MKLN1: variants seen among roughly 807,000 people sequenced by gnomAD.
MKLN1 encodes muskelin.
Under a neutral mutation model 99.0 loss-of-function variants are expected in MKLN1, and 18 were observed. The observed-to-expected ratio is 0.18, with a 90% CI of 0.13 to 0.27. MKLN1 has a LOEUF of 0.27. MKLN1 is among the 10% of genes least tolerant of loss of function. MKLN1 has a pLI of 1.00. For synonymous variants in MKLN1, 288 were observed against 293.2 expected (o/e 0.98, Z 0.18); for missense variants, 621 against 875.9 (o/e 0.71, Z 3.67).
At chr7:131,218,704 A>C (rs774402663) in intron 3 of MKLN1, among the ~76,000 whole-genome samples, 168 of 152,334 alleles carry the variant, frequency 1.1e-3, no homozygotes, top group Non-Finnish European at 2.1e-3. Flanking sequence ...AACATGGATG[A>C]ACCTTGGGAA....
chr7:131,487,540 G>C lies in MKLN1; in HGVS notation c.2087-67G>C, dbSNP rs1260305509. 3 of 1,532,294 alleles carry C rather than the reference G, an allele frequency of 2.0e-6. No homozygotes were observed. The African/African-American group carries it at 4.2e-5, about 21-fold the overall frequency. The allele number at this position is 1,532,294 out of a possible 1,614,324, so 94.9% of individuals were successfully genotyped here. A position where few individuals can be genotyped will look rare whatever the true frequency, so the allele number is the denominator to read the frequency against. On this transcript the variant is annotated intron_variant, in intron 17 of 17. Coordinates refer to ENST00000352689, the MANE Select transcript of MKLN1 (RefSeq NM_013255.5). This position sits in a 1 kb window ranked among gnomAD's most constrained non-coding sequence, Gnocchi z 4.7. ...TCCATTATAAAATACATTGCTGCTGGTCTCAACTAGTTTTTCTGTTACATG... is the reference window on the plus strand; with the variant it reads ...TCCATTATAAAATACATTGCTGCTGCTCTCAACTAGTTTTTCTGTTACATG...
chr7:131,358,062 G>A (rs186782161), intron 1 of MKLN1, among the ~76,000 whole-genome samples: 18 of 151,890 alleles, frequency 1.2e-4, no homozygotes, highest in African/African-American at 3.9e-4. Context: ...TTTTTCCCCC[G>A]CTTATCTTAT....
chr7:131,469,248 GGACA>G (rs372084192), intron 15 of MKLN1, among the ~76,000 whole-genome samples: 2 of 152,028 alleles, frequency 1.3e-5, no homozygotes, highest in Admixed American at 6.6e-5. Context: ...ACGGACGGAC[GGACA>G]GACAGAATCT....
upstream of MKLN1, among the ~76,000 whole-genome samples, chr7:131,326,249 G>T (rs1053481542): frequency 6.6e-6 from 1 of 152,108 alleles, no homozygotes; most frequent in Non-Finnish European, 1.5e-5. Flanking sequence ...GGCAGCTCCC[G>T]ACCCAAGTCA....
rs1012586315 is a variant in MKLN1, at chr7:131,451,030, G to A, written c.1525+5127G>A. ...TCAGAAAACCTCACATCAGAACCAT[G>A]GTATATTATATTGTCCTCCCATAGA... On this transcript the variant is annotated intron_variant, in intron 12 of 17. Transcript: ENST00000352689. Among the ~76,000 whole-genome samples, 10 of 152,042 alleles carry A rather than the reference G, an allele frequency of 6.6e-5. No individual in the cohort carries two copies. The East Asian group carries it at 1.9e-3, about 29-fold the overall frequency.
chr7:131,485,591 A>G (rs1269564967), intron 17 of MKLN1, among the ~76,000 whole-genome samples: 1 of 152,120 alleles, frequency 6.6e-6, no homozygotes, highest in East Asian at 1.9e-4. Flanking sequence ...TAAGTAGATG[A>G]TCAAAGTTAA....
At chr7:131,474,883 G>T (rs1237489368) in intron 16 of MKLN1, among the ~76,000 whole-genome samples, 1 of 152,160 alleles carries the variant, frequency 6.6e-6, no homozygotes, top group African/African-American at 2.4e-5. Flanking sequence ...GGAGTCCTCA[G>T]TAAACTTACA....
intron 2 of MKLN1, among the ~76,000 whole-genome samples, chr7:131,382,747 A>G (rs1302206165): frequency 1.5e-5 from 2 of 137,768 alleles, no homozygotes; most frequent in East Asian, 4.6e-4. Flanking sequence ...TTTTAGAGAC[A>G]GGGTCTTACT....
chr7:131,280,553 T>C (rs182543558), intron 3 of MKLN1, among the ~76,000 whole-genome samples: 112 of 152,366 alleles, frequency 7.4e-4, no homozygotes, highest in Non-Finnish European at 2.5e-4. Context: ...TGACGAATAA[T>C]GTTAAGTATC....
chr7:131,289,027 G>T (rs1271962398), intron 3 of MKLN1, among the ~76,000 whole-genome samples: 1 of 152,090 alleles, frequency 6.6e-6, no homozygotes, highest in Non-Finnish European at 1.5e-5. Context: ...GTCTCACTGT[G>T]TTGCCCAGGC....
At chr7:131,297,430 C>T (rs577450386) in intron 3 of MKLN1, among the ~76,000 whole-genome samples, 3 of 115,364 alleles carry the variant, frequency 2.6e-5, no homozygotes, top group East Asian at 2.7e-4. Context: ...TGTGTGTGTA[C>T]ATACACACAC....
intron 2 of MKLN1, among the ~76,000 whole-genome samples, chr7:131,162,724 G>A (rs573382296): frequency 5.9e-5 from 9 of 152,254 alleles, no homozygotes; most frequent in Admixed American, 2.6e-4. Flanking sequence ...TCGAATAAGA[G>A]ATGCTCAACC....
chr7:131,487,542 C>G lies in MKLN1; in HGVS notation c.2087-65C>G, dbSNP rs1797315739. 2 of 1,542,830 alleles carry G rather than the reference C, an allele frequency of 1.3e-6. No individual in the cohort carries two copies. Among genetic ancestry groups the G allele is most frequent in the Non-Finnish European group, 1.8e-6 (2 of 1,141,460 alleles). The stretch of plus-strand genomic sequence containing the variant: ...CATTATAAAATACATTGCTGCTGGT[C>G]TCAACTAGTTTTTCTGTTACATGTT... On this transcript the variant is annotated intron_variant, in intron 17 of 17. Transcript: ENST00000352689. This position sits in a 1 kb window ranked among gnomAD's most constrained non-coding sequence, Gnocchi z 4.7.
At chr7:131,161,965 A>G (rs1181971377) in intron 2 of MKLN1, among the ~76,000 whole-genome samples, 426 of 7,100 alleles carry the variant, frequency 0.06, 3 homozygotes, top group Non-Finnish European at 0.077. Flanking sequence ...GTGTGTGTGT[A>G]TATATATATA....
intron 3 of MKLN1, among the ~76,000 whole-genome samples, chr7:131,264,439 A>G (rs1334579058): frequency 6.6e-6 from 1 of 152,232 alleles, no homozygotes; most frequent in African/African-American, 2.4e-5. Context: ...CTTGTCTTTT[A>G]GCTACTATAC....
intron 17 of MKLN1, among the ~76,000 whole-genome samples, chr7:131,483,097 A>T (rs1172833524): frequency 6.6e-6 from 1 of 152,206 alleles, no homozygotes; most frequent in East Asian, 1.9e-4. Flanking sequence ...TTTCCATTTT[A>T]CTTTATTTAT....
intron 1 of MKLN1, among the ~76,000 whole-genome samples, chr7:131,337,469 A>G (rs887705338): frequency 6.6e-6 from 1 of 152,036 alleles, no homozygotes; most frequent in African/African-American, 2.4e-5. Flanking sequence ...TTCTGAATTT[A>G]ACTATGTCCA....
intron 3 of MKLN1, among the ~76,000 whole-genome samples, chr7:131,242,400 G>A (rs1361643377): frequency 6.6e-6 from 1 of 152,064 alleles, no homozygotes; most frequent in Non-Finnish European, 1.5e-5. Flanking sequence ...GCTGGTTATG[G>A]TGGGGCATGC....
At position 131,488,706 on chromosome 7, in the gene MKLN1, A is replaced by G. The variant is rs928793755; in HGVS notation, c.*978A>G. Reference sequence around the variant, plus strand: ...GCTGAGTTTCCAGAGCTTTGCTTTCATTTATTTTTATACACATTGTCTCTC... The same window carrying G: ...GCTGAGTTTCCAGAGCTTTGCTTTCGTTTATTTTTATACACATTGTCTCTC... On this transcript the variant is annotated 3_prime_UTR_variant, in exon 18 of 18. Transcript: ENST00000352689. 1.3e-5 allele frequency: 2 copies of G among 152,326 alleles called. No homozygotes were observed. The highest frequency in any genetic ancestry group is 1.3e-4 in the Admixed American group (2 of 15,246). 9.4% of individuals were successfully genotyped at this position (152,326 alleles called of 1,614,324 possible).
Sources: allele counts gnomAD v4.1 joint callset (sites outside exome capture counted in the v4.1 genomes callset), GRCh38; gene constraint gnomAD v4.1.1; non-coding constraint Gnocchi (gnomAD v3.1); transcripts MANE v1.5; gene names NCBI Gene and HGNC (gene_info 2026-07-23, HGNC 2026-07-21).